FAAH2: variants seen among roughly 807,000 people sequenced by gnomAD.
The protein encoded by FAAH2 is fatty acid amide hydrolase 2, also known as fatty-acid amide hydrolase 2.
FAAH2 carries 60 observed loss-of-function variants against 36.9 expected under a neutral mutation model. That is an observed-to-expected ratio of 1.63 (90% CI 1.32 to 2.02). The LOEUF is 2.02. Among genes scored for constraint, FAAH2 ranks in the 30% most tolerant of loss-of-function variants. FAAH2 has a pLI of 0.00. For missense variants in FAAH2, 689 were observed against 397.5 expected, an observed-to-expected ratio of 1.73 and a Z score of -6.23; for synonymous variants, 214 against 143.8, an observed-to-expected ratio of 1.49 and a Z score of -3.49.
rs1487355404 is a variant in FAAH2 at position 57,431,936 on chromosome X, A to G, written c.1015A>G (p.Thr339Ala). 1 of 1,198,780 alleles carries G rather than the reference A, an allele frequency of 8.3e-7. No individual in the cohort carries two copies. Among genetic ancestry groups the G allele is most frequent in the Non-Finnish European group, 1.1e-6 (1 of 888,075 alleles). Residue 339 changes from threonine to alanine, a missense_variant, in exon 8 of 11, where the codon ACT (threonine) becomes GCT (alanine). Physicochemically the swap from Thr to Ala is moderately conservative, Grantham distance 58 (BLOSUM62 0). Transcript: ENST00000374900. ...TQKKVVVHLE[T>A]ILGASVQHVK... ...TTATAAGGTTGTGGTTCACCTTGAA[A>G]CTATTCTAGGAGCCTCAGTTCAACA...
At chrX:57,413,282 C>A (rs2055750287) in intron 7 of FAAH2, among the ~76,000 whole-genome samples, 1 of 112,151 alleles carries the variant, frequency 8.9e-6, no homozygotes, top group Non-Finnish European at 1.9e-5. Flanking sequence ...GTGTTTTAGT[C>A]ATAAAGTCCT....
At chrX:57,270,363 T>TC in the FAAH2 span, among the ~76,000 whole-genome samples, 1 of 111,661 alleles carries the variant, frequency 9.0e-6, no homozygotes, top group South Asian at 3.8e-4. Context: ...CTTAATTCAT[T>TC]CTATGAGGTC....
At chrX:57,312,450 A>T (rs1342072216) in intron 3 of FAAH2, among the ~76,000 whole-genome samples, 1 of 111,451 alleles carries the variant, frequency 9.0e-6, no homozygotes, top group Non-Finnish European at 1.9e-5. Flanking sequence ...AGGCAGGTGG[A>T]TCACCTGAAG....
chrX:57,449,555 G>A (rs934831046), intron 10 of FAAH2, among the ~76,000 whole-genome samples: 1 of 111,563 alleles, frequency 9.0e-6, no homozygotes, highest in Admixed American at 9.5e-5. Context: ...TGTGGAGGAT[G>A]AGGGAGAGGA....
chrX:57,137,364 G>C, the FAAH2 span: 3 of 756,239 alleles, frequency 4.0e-6, no homozygotes, highest in Non-Finnish European at 4.7e-6. Context: ...TAGATGAGGA[G>C]CGTGTGTAGG....
At chrX:57,256,289 G>A in the FAAH2 span, among the ~76,000 whole-genome samples, 1 of 111,460 alleles carries the variant, frequency 9.0e-6, no homozygotes. Context: ...AACAAATGGG[G>A]AAACATTCCA....
At chrX:57,398,622 G>T (rs2055359729) in intron 7 of FAAH2, among the ~76,000 whole-genome samples, 1 of 110,443 alleles carries the variant, frequency 9.1e-6, no homozygotes, top group Admixed American at 9.6e-5. Flanking sequence ...ACCCAAAGGG[G>T]GTTGTCGCTG....
intron 2 of FAAH2, among the ~76,000 whole-genome samples, chrX:57,296,026 G>A (rs1231831870): frequency 8.9e-6 from 1 of 112,493 alleles, no homozygotes; most frequent in Non-Finnish European, 1.9e-5. Context: ...ACCTCTGGGG[G>A]CAGGACACAG....
Position 57,488,816 on chromosome X carries a change from G to C in FAAH2, c.1483G>C (p.Gly495Arg), listed in dbSNP as rs139175109. ...TQCPLGLNAK[G>R]LPLGIQVVAG... The stretch of plus-strand genomic sequence containing the variant: ...ATGCCCACTGGGACTGAATGCCAAA[G>C]GACTCCCTTTAGGCATCCAGGTTGT... The change falls in exon 11 of 11, where the codon GGA (glycine) becomes CGA (arginine). Residue 495 changes from glycine to arginine, a missense_variant. Transcript: ENST00000374900. 4 of 1,211,301 alleles carry C rather than the reference G, an allele frequency of 3.3e-6. No individual in the cohort carries two copies. In the South Asian group the frequency reaches 7.0e-5, roughly 21 times the overall value.
chrX:57,170,384 T>C, the FAAH2 span, among the ~76,000 whole-genome samples: 1 of 111,813 alleles, frequency 8.9e-6, no homozygotes, highest in African/African-American at 3.3e-5. Flanking sequence ...TTGATTGACA[T>C]TTGAGTTGCT....
chrX:57,138,539 C>T, the FAAH2 span, among the ~76,000 whole-genome samples: 1 of 110,674 alleles, frequency 9.0e-6, no homozygotes, highest in Non-Finnish European at 1.9e-5. Flanking sequence ...GCAGATAGCT[C>T]GTTGATATGC....
At position 57,301,096 on chromosome X, in the gene FAAH2, G is replaced by C. The variant is rs921907452; in HGVS notation, c.275+8516G>C. 6.5e-5 allele frequency among the ~76,000 whole-genome samples: 7 copies of C among 108,202 alleles called. No homozygotes were observed. The East Asian group carries it at 1.5e-3, about 23-fold the overall frequency. 94.0% of individuals were successfully genotyped at this position (108,202 alleles called of 115,157 possible). The stretch of plus-strand genomic sequence containing the variant: ...AGAACTAGAAATACCATTTGATCCA[G>C]CCATCCCATTACTGGGTATATACCC... On this transcript the variant is annotated intron_variant, in intron 2 of 10. Transcript: ENST00000374900.
intron 7 of FAAH2, among the ~76,000 whole-genome samples, chrX:57,396,033 T>A (rs1461637293): frequency 8.9e-6 from 1 of 112,167 alleles, no homozygotes; most frequent in East Asian, 2.8e-4. Flanking sequence ...GTTATTGGTC[T>A]GTTTAGGATT....
chrX:57,184,996 T>C, the FAAH2 span, among the ~76,000 whole-genome samples: 2 of 111,462 alleles, frequency 1.8e-5, no homozygotes, highest in Admixed American at 1.9e-4. Context: ...CTGCATGAGA[T>C]GTTTCGATAC....
At chrX:57,276,961 A>G in the FAAH2 span, among the ~76,000 whole-genome samples, 3 of 111,583 alleles carry the variant, frequency 2.7e-5, no homozygotes, top group Non-Finnish European at 3.8e-5. Flanking sequence ...AAAGTCCAGG[A>G]TCGGACGTAT....
At chrX:57,278,555 G>A in the FAAH2 span, among the ~76,000 whole-genome samples, 17 of 110,770 alleles carry the variant, frequency 1.5e-4, no homozygotes, top group South Asian at 3.8e-4. Flanking sequence ...AAAAGCAATG[G>A]CAACAAAAGC....
At chrX:57,234,574 T>C in the FAAH2 span, among the ~76,000 whole-genome samples, 1 of 111,762 alleles carries the variant, frequency 8.9e-6, no homozygotes, top group Non-Finnish European at 1.9e-5. Flanking sequence ...GACAGTCCCA[T>C]CTTGGGGTAA....
chrX:57,129,846 A>C, the FAAH2 span, among the ~76,000 whole-genome samples: 1 of 112,118 alleles, frequency 8.9e-6, no homozygotes, highest in Non-Finnish European at 1.9e-5. Context: ...CAGTAGGTAC[A>C]CAAAGGCCAC....
the FAAH2 span, among the ~76,000 whole-genome samples, chrX:57,165,301 C>A: frequency 2.7e-5 from 3 of 112,221 alleles, no homozygotes; most frequent in African/African-American, 6.5e-5. Flanking sequence ...AAATGTCCAA[C>A]AATGATAGAC....
Sources: allele counts gnomAD v4.1 joint callset (sites outside exome capture counted in the v4.1 genomes callset), GRCh38; gene constraint gnomAD v4.1.1; transcripts MANE v1.5; gene names NCBI Gene and HGNC (gene_info 2026-07-23, HGNC 2026-07-21).